Variants in CTNNA3 observed in about 807,000 individuals in gnomAD.
CTNNA3 encodes catenin alpha 3, also known as catenin alpha-3.
CTNNA3 carries 76 observed loss-of-function variants against 95.7 expected under a neutral mutation model. The ratio of observed to expected loss-of-function variants is 0.79; its 90% CI spans 0.66 to 0.96. The LOEUF (loss-of-function observed/expected upper bound fraction) is 0.96. CTNNA3 is among the 40% of genes least tolerant of loss of function. The pLI, the probability that CTNNA3 is intolerant of heterozygous loss-of-function variation, is 0.00. For synonymous variants in CTNNA3, 431 were observed against 374.4 expected, an observed-to-expected ratio of 1.15 and a Z score of -1.74; for missense variants, 1,191 against 1,089.8, an observed-to-expected ratio of 1.09 and a Z score of -1.31.
At chr10:66,361,363 C>T (rs1304382302) in intron 12 of CTNNA3, among the ~76,000 whole-genome samples, 1 of 112,950 alleles carries the variant, frequency 8.9e-6, no homozygotes, top group African/African-American at 2.8e-5. Flanking sequence ...TCTTTCTTTC[C>T]TTTTCTTTTT....
At chr10:67,381,319 A>C (rs756906873) in intron 5 of CTNNA3, among the ~76,000 whole-genome samples, 42 of 152,306 alleles carry the variant, frequency 2.8e-4, no homozygotes, top group South Asian at 6.2e-4. Context: ...TAGTGGTAAA[A>C]ACATTCTCTA....
chr10:67,197,600 T>C (rs1174616018), intron 6 of CTNNA3, among the ~76,000 whole-genome samples: 2 of 152,134 alleles, frequency 1.3e-5, no homozygotes, highest in Non-Finnish European at 2.9e-5. Context: ...CTTCAGATGT[T>C]CTTGATGTGG....
chr10:67,245,855 CAAAA>C (rs34908113), intron 5 of CTNNA3, among the ~76,000 whole-genome samples: 1 of 72,160 alleles, frequency 1.4e-5, no homozygotes. Context: ...ACTCTGTCTC[CAAAA>C]AAAAAAAAAA....
At chr10:66,217,836 G>A (rs1824671) in intron 13 of CTNNA3, among the ~76,000 whole-genome samples, 5,588 of 152,174 alleles carry the variant, frequency 0.037, 248 homozygotes, top group African/African-American at 0.11. Context: ...AGGAGATAGC[G>A]GGAGGTCCAG....
rs181109844 is a variant in CTNNA3, at chr10:66,694,493, C to T, written c.1281+71771G>A. On this transcript the variant is annotated intron_variant, in intron 9 of 17. Coordinates refer to ENST00000433211, the MANE Select transcript of CTNNA3 (RefSeq NM_013266.4). Reference sequence around the variant, plus strand: ...CAATAACTTACCAACCAAAAAGAGTCCAGGACCAGACGGATTCACAGCCGA... The same window carrying T: ...CAATAACTTACCAACCAAAAAGAGTTCAGGACCAGACGGATTCACAGCCGA... 4.0e-3 allele frequency among the ~76,000 whole-genome samples: 602 copies of T among 152,184 alleles called. 5 individuals carry two copies. The highest frequency in any genetic ancestry group is 0.014 in the African/African-American group (590 of 41,526).
intron 13 of CTNNA3, among the ~76,000 whole-genome samples, chr10:66,224,680 A>G (rs1395051459): frequency 6.6e-6 from 1 of 152,180 alleles, no homozygotes; most frequent in African/African-American, 2.4e-5. Context: ...CTTAAGTACT[A>G]AGAAATGTCT....
chr10:66,137,864 G>A (rs2083432254), intron 13 of CTNNA3, among the ~76,000 whole-genome samples: 1 of 152,030 alleles, frequency 6.6e-6, no homozygotes, highest in Non-Finnish European at 1.5e-5. Context: ...GTCGGGGGAT[G>A]GCTTGAGTCC....
Position 67,544,934 on chromosome 10 carries a change from G to C in CTNNA3, c.293-5265C>G, listed in dbSNP as rs770775685. On this transcript the variant is annotated intron_variant, in intron 3 of 17. Coordinates refer to ENST00000433211, the MANE Select transcript of CTNNA3 (RefSeq NM_013266.4). ...GCCAGGTAAAGGCAACAGCAGACTAGCATAATGATTTAATGAAAATGGAAG... is the reference window on the plus strand; with the variant it reads ...GCCAGGTAAAGGCAACAGCAGACTACCATAATGATTTAATGAAAATGGAAG... Among the ~76,000 whole-genome samples, 7 of 152,262 alleles carry C rather than the reference G, an allele frequency of 4.6e-5. No individual in the cohort carries two copies. In the South Asian group the frequency reaches 6.2e-4, roughly 14 times the overall value.
At chr10:66,993,709 A>C (rs77293549) in intron 7 of CTNNA3, among the ~76,000 whole-genome samples, 75 of 146,332 alleles carry the variant, frequency 5.1e-4, no homozygotes, top group Middle Eastern at 3.5e-3. Flanking sequence ...AAAAAAAAAA[A>C]CAGATAAAAC....
At chr10:67,443,117 A>T (rs1448124190) in intron 5 of CTNNA3, among the ~76,000 whole-genome samples, 1 of 147,652 alleles carries the variant, frequency 6.8e-6, no homozygotes, top group East Asian at 2.0e-4. Flanking sequence ...CCTACAAAGG[A>T]CATGAACTCA....
At chr10:67,154,086 T>C (rs981717366) in intron 7 of CTNNA3, among the ~76,000 whole-genome samples, 10 of 152,118 alleles carry the variant, frequency 6.6e-5, no homozygotes, top group African/African-American at 2.4e-4. Context: ...ATCCAATGTA[T>C]AAGTATTTTA....
At chr10:66,293,315 C>A (rs1275208973) in intron 12 of CTNNA3, among the ~76,000 whole-genome samples, 2 of 151,908 alleles carry the variant, frequency 1.3e-5, no homozygotes, top group African/African-American at 2.4e-5. Context: ...TTCCTACTAA[C>A]TGTAGAATAC....
chr10:67,042,260 C>T (rs1469100750), intron 7 of CTNNA3, among the ~76,000 whole-genome samples: 3 of 152,070 alleles, frequency 2.0e-5, no homozygotes, highest in Non-Finnish European at 4.4e-5. Context: ...CCCAAATGGG[C>T]ATCTCTGTGA....
chr10:67,566,039 G>GTATATATATATATATATA (rs1437054675), intron 3 of CTNNA3, among the ~76,000 whole-genome samples: 4 of 19,880 alleles, frequency 2.0e-4, no homozygotes, highest in African/African-American at 9.1e-4. Flanking sequence ...ACATATGTGT[G>GTATATATATATATATATA]TGTGTATATA....
At chr10:66,728,133 A>G (rs964477739) in intron 9 of CTNNA3, among the ~76,000 whole-genome samples, 4 of 152,166 alleles carry the variant, frequency 2.6e-5, no homozygotes, top group African/African-American at 9.7e-5. Context: ...TTTTTCCTTC[A>G]TTACTAGTAA....
At chr10:66,226,788 T>C (rs1376473163) in intron 13 of CTNNA3, among the ~76,000 whole-genome samples, 1 of 151,480 alleles carries the variant, frequency 6.6e-6, no homozygotes, top group African/African-American at 2.4e-5. Flanking sequence ...GTTGAATTTA[T>C]TCTTAGGTAT....
chr10:66,044,945 C>G (rs2079796216), intron 15 of CTNNA3, among the ~76,000 whole-genome samples: 1 of 151,828 alleles, frequency 6.6e-6, no homozygotes, highest in Non-Finnish European at 1.5e-5. Context: ...TTGATTTGTC[C>G]ATACCACAGT....
At chr10:66,428,869 C>G (rs1346290799) in intron 11 of CTNNA3, among the ~76,000 whole-genome samples, 1 of 151,856 alleles carries the variant, frequency 6.6e-6, no homozygotes, top group African/African-American at 2.4e-5. Context: ...CAAACACATT[C>G]AAAAGCTAGC....
chr10:67,660,389 A>T (rs950597169), intron 1 of CTNNA3, among the ~76,000 whole-genome samples: 1 of 152,186 alleles, frequency 6.6e-6, no homozygotes, highest in African/African-American at 2.4e-5. Flanking sequence ...AACATTAGTA[A>T]CATTAGAAGT....
Sources: gnomAD v4.1 joint callset for allele counts (sites outside exome capture counted in the v4.1 genomes callset) on GRCh38, gnomAD v4.1.1 for gene constraint, MANE v1.5 for transcripts, NCBI Gene and HGNC (gene_info 2026-07-23, HGNC 2026-07-21) for gene names.